ECPAS: variants seen among roughly 807,000 people sequenced by gnomAD.
The protein encoded by ECPAS is proteasome adapter and scaffold protein ECM29.
In ECPAS, 70 loss-of-function variants were observed where a neutral mutation model predicts 255.1. The observed-to-expected ratio is 0.27, with a 90% confidence interval of 0.23 to 0.33. ECPAS has a LOEUF of 0.33. ECPAS is among the 10% of genes least tolerant of loss of function. The probability of loss-of-function intolerance (pLI) is 1.00; values close to 1 mark genes in which losing one functional copy is unlikely to be tolerated. For missense variants in ECPAS, 1,817 were observed against 2,206.4 expected (o/e 0.82, Z 3.54); for synonymous variants, 784 against 775.0 (o/e 1.01, Z -0.19).
chr9:111,465,851 C>A (rs1263784970), intron 2 of ECPAS, among the ~76,000 whole-genome samples: 1 of 151,068 alleles, frequency 6.6e-6, no homozygotes, highest in African/African-American at 2.4e-5. Flanking sequence ...CTCGGCAACA[C>A]AGCAAGACCC....
chr9:111,426,395 C>A (rs2098221663), intron 10 of ECPAS, among the ~76,000 whole-genome samples: 1 of 151,120 alleles, frequency 6.6e-6, no homozygotes, highest in Non-Finnish European at 1.5e-5. Context: ...ACTCTATACT[C>A]TTGTTCCTAA....
At chr9:111,394,845 G>C (rs1189458061) in intron 25 of ECPAS, among the ~76,000 whole-genome samples, 1 of 152,080 alleles carries the variant, frequency 6.6e-6, no homozygotes, top group Non-Finnish European at 1.5e-5. Flanking sequence ...AGTGTCTAGG[G>C]GGAAAAATCT....
intron 15 of ECPAS, among the ~76,000 whole-genome samples, chr9:111,421,407 A>ATATG (rs1340602217): frequency 2.4e-5 from 3 of 127,354 alleles, no homozygotes; most frequent in African/African-American, 7.0e-5. Flanking sequence ...CATATTACAT[A>ATATG]TATGTGTGTG....
intron 1 of ECPAS, among the ~76,000 whole-genome samples, chr9:111,481,540 G>A (rs971627727): frequency 3.3e-5 from 5 of 151,994 alleles, no homozygotes; most frequent in African/African-American, 4.8e-5. Flanking sequence ...ACAGTACAGT[G>A]GTTCCTTAAA....
chr9:111,428,788 C>T (rs927851023), intron 9 of ECPAS, among the ~76,000 whole-genome samples: 1 of 151,776 alleles, frequency 6.6e-6, no homozygotes, highest in Non-Finnish European at 1.5e-5. Context: ...GGAGTTGAAA[C>T]CATATCAATG....
chr9:111,383,991 T>A (rs1429118473), intron 34 of ECPAS, among the ~76,000 whole-genome samples: 1 of 143,394 alleles, frequency 7.0e-6, no homozygotes, highest in Admixed American at 6.9e-5. Context: ...ATCATCATCA[T>A]CATCAATAAC....
At chr9:111,475,800 T>C (rs1326840359) in intron 1 of ECPAS, among the ~76,000 whole-genome samples, 1 of 151,478 alleles carries the variant, frequency 6.6e-6, no homozygotes, top group Non-Finnish European at 1.5e-5. Flanking sequence ...TAATAAAAAA[T>C]AGAAATATCC....
Position 111,484,103 on chromosome 9 carries a change from G to C in ECPAS, c.-83+13C>G. The C allele has an allele frequency of 7.4e-7, 1 of 1,353,014 alleles. No homozygotes were observed. Among genetic ancestry groups the C allele is most frequent in the Non-Finnish European group, 9.5e-7 (1 of 1,051,364 alleles). The allele number at this position is 1,353,014 out of a possible 1,614,324, so 83.8% of individuals were successfully genotyped here. On this transcript the variant is annotated intron_variant, in intron 1 of 49. Transcript: ENST00000684092. ...AGGGCCAGTCCCCCGCGGCCCGGGG[G>C]CGGGCCTCTGACCTGAGTCGGAGCC...
chr9:111,450,017 A>G (rs1417407112), intron 3 of ECPAS, among the ~76,000 whole-genome samples: 1 of 152,134 alleles, frequency 6.6e-6, no homozygotes, highest in Non-Finnish European at 1.5e-5. Flanking sequence ...TATCCCAAAT[A>G]TATTCTTTCA....
intron 46 of ECPAS, among the ~76,000 whole-genome samples, chr9:111,368,113 T>C (rs555947778): frequency 2.6e-5 from 4 of 151,986 alleles, no homozygotes; most frequent in Admixed American, 2.0e-4. Flanking sequence ...CAAGGCAAGC[T>C]TAAAGGGTAG....
At chr9:111,414,124 C>T in intron 19 of ECPAS, 138 bp from the exon 20 acceptor site, 1 of 607,742 alleles carries the variant, frequency 1.6e-6, no homozygotes, top group Non-Finnish European at 2.7e-6. Context: ...AAAAGAAAAC[C>T]TACACAACCT....
chr9:111,380,593 G>A (rs72607201), intron 35 of ECPAS, among the ~76,000 whole-genome samples: 9,656 of 152,274 alleles, frequency 0.063, 445 homozygotes, highest in East Asian at 0.19. Flanking sequence ...GGCCTTTGAA[G>A]CGTTGCAGCC....
Position 111,470,746 on chromosome 9 carries a change from CCACACA to C in ECPAS, c.22+2145_22+2150del, listed in dbSNP as rs57091815. On this transcript the variant is annotated intron_variant, in intron 2 of 49. Coordinates refer to ENST00000684092, the MANE Select transcript of ECPAS (RefSeq NM_001364929.1). ...AACCCCATCATGTCCTCTCCTCCCGCCACACACACACACACACACACACACACACAC... is the reference window on the plus strand; with the variant it reads ...AACCCCATCATGTCCTCTCCTCCCGCCACACACACACACACACACACACAC... 1.5e-3 allele frequency among the ~76,000 whole-genome samples: 187 copies of C among 124,580 alleles called. 1 individual carries two copies. The highest frequency in any genetic ancestry group is 6.0e-3 in the East Asian group (26 of 4,300). The allele number at this position is 124,580 out of a possible 152,430, so 81.7% of individuals were successfully genotyped here. A position where few individuals can be genotyped will look rare whatever the true frequency, so the allele number is the denominator to read the frequency against.
rs776845465 is a variant in ECPAS, at chr9:111,422,209, G to C, written c.1266-9C>G. Reference sequence around the variant, plus strand: ...ATAAATGTGGCATCCGACTGCAAAAGAATGTAAAAATATTGTTACTATCAT... The same window carrying C: ...ATAAATGTGGCATCCGACTGCAAAACAATGTAAAAATATTGTTACTATCAT... On this transcript the variant is annotated splice_polypyrimidine_tract_variant and intron_variant, in intron 13 of 49. Transcript: ENST00000684092. The C allele has an allele frequency of 6.2e-7, 1 of 1,610,576 alleles. No homozygotes were observed. Among genetic ancestry groups the C allele is most frequent in the Non-Finnish European group, 8.5e-7 (1 of 1,177,814 alleles).
At chr9:111,447,862 T>C (rs1269342095) in intron 3 of ECPAS, among the ~76,000 whole-genome samples, 1 of 152,144 alleles carries the variant, frequency 6.6e-6, no homozygotes, top group Non-Finnish European at 1.5e-5. Flanking sequence ...GTGGAAAATC[T>C]AAAGCATCCC....
intron 26 of ECPAS, among the ~76,000 whole-genome samples, 185 bp downstream of exon 26, chr9:111,393,975 T>G (rs2098164031): frequency 6.6e-6 from 1 of 152,218 alleles, no homozygotes; most frequent in Non-Finnish European, 1.5e-5. Context: ...ACTTCTGACT[T>G]TATTCCTTCA....
At chr9:111,472,023 G>A (rs2098288970) in intron 2 of ECPAS, among the ~76,000 whole-genome samples, 1 of 152,034 alleles carries the variant, frequency 6.6e-6, no homozygotes, top group South Asian at 2.1e-4. Flanking sequence ...ATCCACTTGA[G>A]CCCAGGAGGT....
At chr9:111,378,852 G>T in intron 35 of ECPAS, 122 bp from the exon 36 acceptor site, 1 of 936,984 alleles carries the variant, frequency 1.1e-6, no homozygotes, top group Non-Finnish European at 1.5e-6. Flanking sequence ...TGGTTGCAGA[G>T]CCTGGTCTGG....
At chr9:111,391,361 T>C (rs2131610234) in intron 29 of ECPAS, among the ~76,000 whole-genome samples, 1 of 151,934 alleles carries the variant, frequency 6.6e-6, no homozygotes, top group South Asian at 2.1e-4. Context: ...GTGGATCTCC[T>C]GAGGTCAGGA....
Sources: gnomAD v4.1 joint callset for allele counts (sites outside exome capture counted in the v4.1 genomes callset) on GRCh38, gnomAD v4.1.1 for gene constraint, MANE v1.5 for transcripts, NCBI Gene and HGNC (gene_info 2026-07-23, HGNC 2026-07-21) for gene names.